SYCP2L: variants seen among roughly 807,000 people sequenced by gnomAD.
The protein encoded by SYCP2L is synaptonemal complex protein 2-like.
A neutral mutation model predicts 125.8 loss-of-function variants in SYCP2L; 98 were observed. The ratio of observed to expected loss-of-function variants is 0.78; its 90% CI spans 0.66 to 0.92. The LOEUF (loss-of-function observed/expected upper bound fraction) is 0.92. Ranked by LOEUF, SYCP2L falls within the 40% of genes least tolerant of loss-of-function variation. The pLI, the probability that SYCP2L is intolerant of heterozygous loss-of-function variation, is 0.00. For synonymous variants in SYCP2L, 317 were observed against 325.4 expected, an observed-to-expected ratio of 0.97 and a Z score of 0.28; for missense variants, 842 against 936.4, an observed-to-expected ratio of 0.90 and a Z score of 1.32.
At position 10,942,696 on chromosome 6, in the gene SYCP2L, T is replaced by C; in HGVS notation, c.1904T>C (p.Leu635Pro). 6.2e-7 allele frequency: 1 copy of C among 1,613,550 alleles called. No individual in the cohort carries two copies. The change falls in exon 23 of 30, where the codon CTA (leucine) becomes CCA (proline). Residue 635 changes from leucine to proline, a missense_variant. By Grantham distance (98) the Leu-to-Pro change is moderately conservative (BLOSUM62 -3). Coordinates refer to ENST00000283141, the MANE Select transcript of SYCP2L (RefSeq NM_001040274.3). ...TTTAAGATTGTGAACCAAGAATCAC[T>C]AACAGAAAGTACTAGCTTGAAACAT... is the stretch of plus-strand genomic sequence containing the variant. ...EKPKIVNQES[L>P]TESTSLKHKL...
At position 10,903,323 on chromosome 6, in the gene SYCP2L, T is replaced by C. The variant is rs532434902; in HGVS notation, c.641+360T>C. On this transcript the variant is annotated intron_variant, in intron 8 of 29. Coordinates refer to ENST00000283141, the MANE Select transcript of SYCP2L (RefSeq NM_001040274.3). ...CAGCGCTTTGGGAGGCCAAGGCGGGTGGATCACGAGGTCAGGAGATCGAGA... is the reference window on the plus strand; with the variant it reads ...CAGCGCTTTGGGAGGCCAAGGCGGGCGGATCACGAGGTCAGGAGATCGAGA... 4.5e-3 allele frequency among the ~76,000 whole-genome samples: 682 copies of C among 151,438 alleles called. 7 individuals are homozygous for C. Among genetic ancestry groups the C allele is most frequent in the African/African-American group, 0.016 (654 of 41,214 alleles).
rs551103839 is a variant in SYCP2L at position 10,907,892 on chromosome 6, G to GTTTTTTTTTTTTTTTTTTTTTTTTTTT, written c.819+226_819+227insTTTTTTTTTTTTTTTTTTTTTTTTTTT. The stretch of plus-strand genomic sequence containing the variant: ...GAGCTAGATATAGGGATACAGATAG[G>GTTTTTTTTTTTTTTTTTTTTTTTTTTT]TTTTTTTTTTTTTTTTTTGACAGAG... On this transcript the variant is annotated intron_variant, in intron 10 of 29. Transcript: ENST00000283141. 4.5e-4 allele frequency among the ~76,000 whole-genome samples: 41 copies of GTTTTTTTTTTTTTTTTTTTTTTTTTTT among 91,938 alleles called. 7 individuals are homozygous for GTTTTTTTTTTTTTTTTTTTTTTTTTTT. Among genetic ancestry groups the GTTTTTTTTTTTTTTTTTTTTTTTTTTT allele is most frequent in the African/African-American group, 1.2e-3 (30 of 24,156 alleles). 60.3% of individuals were successfully genotyped at this position (91,938 alleles called of 152,430 possible). A position where few individuals can be genotyped will look rare whatever the true frequency, so the allele number is the denominator to read the frequency against.
rs1250570300 is a variant in SYCP2L, at chr6:10,891,611, CTCTG to C, written c.78+32_78+35del. 498 of 130,226 alleles carry C rather than the reference CTCTG, an allele frequency of 3.8e-3. 16 individuals carry two copies. The highest frequency in any genetic ancestry group is 7.9e-3 in the African/African-American group (178 of 22,490). 8.1% of individuals were successfully genotyped at this position (130,226 alleles called of 1,614,324 possible). On this transcript the variant is annotated intron_variant, in intron 2 of 29. Transcript: ENST00000283141. ...AGATCAAGTTTCTTTTATAATCTCT[CTCTG>C]TGTGTGTGTGTGTGTGTGTGTGTGT... is the stretch of plus-strand genomic sequence containing the variant.
chr6:10,913,026 A>T, intron 14 of SYCP2L, 99 bp downstream of exon 14: 1 of 1,192,022 alleles, frequency 8.4e-7, no homozygotes, highest in Non-Finnish European at 1.2e-6. Context: ...TATTTTGACC[A>T]TGCCTTGAGG....
At chr6:10,964,358 C>T (rs1781644195) in intron 29 of SYCP2L, among the ~76,000 whole-genome samples, 1 of 152,140 alleles carries the variant, frequency 6.6e-6, no homozygotes, top group African/African-American at 2.4e-5. Flanking sequence ...TACCCTGCAT[C>T]AATCACTATG....
chr6:10,894,673 A>C (rs1157128029), intron 4 of SYCP2L, among the ~76,000 whole-genome samples: 1 of 151,960 alleles, frequency 6.6e-6, no homozygotes, highest in African/African-American at 2.4e-5. Flanking sequence ...TTGCTTATTC[A>C]AAGTTACCCA....
intron 15 of SYCP2L, among the ~76,000 whole-genome samples, chr6:10,925,409 A>G (rs1263605211): frequency 6.6e-6 from 1 of 152,144 alleles, no homozygotes; most frequent in Non-Finnish European, 1.5e-5. Flanking sequence ...TGTTGGTCTT[A>G]TCTTGTGGAA....
At chr6:10,958,168 T>C (rs1305033394) in intron 25 of SYCP2L, among the ~76,000 whole-genome samples, 1 of 152,150 alleles carries the variant, frequency 6.6e-6, no homozygotes, top group African/African-American at 2.4e-5. Context: ...TATTAGGCCA[T>C]TCTTGAATTG....
At chr6:10,908,346 G>A (rs757769751) in intron 10 of SYCP2L, among the ~76,000 whole-genome samples, 8 of 152,146 alleles carry the variant, frequency 5.3e-5, no homozygotes, top group Non-Finnish European at 1.0e-4. Context: ...CTGCTGTGAT[G>A]GCAGGAGGCT....
At position 10,912,291 on chromosome 6, in the gene SYCP2L, A is replaced by G. The variant is rs929001160; in HGVS notation, c.919-382A>G. Among the ~76,000 whole-genome samples the G allele has an allele frequency of 1.3e-4, 20 of 152,246 alleles. No individual in the cohort carries two copies. Among genetic ancestry groups the G allele is most frequent in the African/African-American group, 4.8e-4 (20 of 41,558 alleles). On this transcript the variant is annotated intron_variant, in intron 12 of 29. Transcript: ENST00000283141. The surrounding 1 kb of genome is among the most constrained non-coding windows in gnomAD (Gnocchi z 4.1). ...TTGGAAGATAGATGGCAAATCACTC[A>G]TGTTTGGTTACAGTATCTCCTTCTC... is the stretch of plus-strand genomic sequence containing the variant.
intron 1 of SYCP2L, among the ~76,000 whole-genome samples, chr6:10,887,913 C>T (rs770434104): frequency 6.6e-6 from 1 of 152,206 alleles, no homozygotes; most frequent in African/African-American, 2.4e-5. Flanking sequence ...ATTCAGAGCA[C>T]TTAAGCATAA....
At chr6:10,918,693 T>C (rs1235293503) in intron 14 of SYCP2L, among the ~76,000 whole-genome samples, 8 of 151,992 alleles carry the variant, frequency 5.3e-5, no homozygotes, top group African/African-American at 1.7e-4. Flanking sequence ...CGTGCCACCA[T>C]ACCCAGCTAA....
chr6:10,913,596 T>C (rs759960077), intron 14 of SYCP2L, among the ~76,000 whole-genome samples: 1 of 152,160 alleles, frequency 6.6e-6, no homozygotes, highest in African/African-American at 2.4e-5. Flanking sequence ...TTGTTTGAGT[T>C]CGTTGTAAAT....
At position 10,935,271 on chromosome 6, in the gene SYCP2L, A is replaced by G. The variant is rs878868214; in HGVS notation, c.1813+84A>G. Reference sequence around the variant, plus strand: ...GAAGTAAACAAAACATTTTTATTTTAATATCTATTAAAGAAAATATGAAGA... The same window carrying G: ...GAAGTAAACAAAACATTTTTATTTTGATATCTATTAAAGAAAATATGAAGA... On this transcript the variant is annotated intron_variant, in intron 21 of 29. Transcript: ENST00000283141. 1.1e-4 allele frequency: 149 copies of G among 1,339,990 alleles called. 1 individual carries two copies. In the South Asian group the frequency reaches 1.9e-3, roughly 17 times the overall value. The allele number at this position is 1,339,990 out of a possible 1,614,324, so 83.0% of individuals were successfully genotyped here. A position where few individuals can be genotyped will look rare whatever the true frequency, so the allele number is the denominator to read the frequency against.
chr6:10,924,767 T>C (rs1031611053), intron 15 of SYCP2L, 126 bp downstream of exon 15: 21 of 855,016 alleles, frequency 2.5e-5, no homozygotes, highest in Non-Finnish European at 3.4e-5. Flanking sequence ...TCAAATGCCA[T>C]GTAAAAAAGA....
intron 19 of SYCP2L, among the ~76,000 whole-genome samples, 200 bp from the exon 20 acceptor site, chr6:10,931,240 G>T (rs1232418502): frequency 1.3e-5 from 2 of 152,212 alleles, no homozygotes; most frequent in African/African-American, 4.8e-5. Flanking sequence ...CTAGAGCAGA[G>T]AATTCATGCT....
rs537482644 is a variant in SYCP2L, at chr6:10,887,075, G to A, written c.-52G>A. 1.2e-6 allele frequency: 2 copies of A among 1,613,210 alleles called. No individual in the cohort carries two copies. The highest frequency in any genetic ancestry group is 3.3e-5 in the Admixed American group (2 of 59,976). Reference sequence around the variant, plus strand: ...GCGGGGAAGCAGGAGAGGGCCGACCGAGCGCAACAAAGCTGAGCGGCGCGT... The same window carrying A: ...GCGGGGAAGCAGGAGAGGGCCGACCAAGCGCAACAAAGCTGAGCGGCGCGT... On this transcript the variant is annotated 5_prime_UTR_variant, in exon 1 of 30. Coordinates refer to ENST00000283141, the MANE Select transcript of SYCP2L (RefSeq NM_001040274.3).
Position 10,889,725 on chromosome 6 carries a change from A to G in SYCP2L, c.10-1788A>G, listed in dbSNP as rs527991002. On this transcript the variant is annotated intron_variant, in intron 1 of 29. Transcript: ENST00000283141. The stretch of plus-strand genomic sequence containing the variant: ...AACCTCCGCGTCCCGGGTTCAAGCG[A>G]TTCTCTTGCTTCAGCCTCCCCCGTA... Among the ~76,000 whole-genome samples the G allele has an allele frequency of 5.4e-5, 8 of 148,212 alleles. No individual in the cohort carries two copies. In the South Asian group the frequency reaches 1.7e-3, roughly 31 times the overall value.
At chr6:10,937,798 C>T (rs1368697082) in intron 21 of SYCP2L, among the ~76,000 whole-genome samples, 2 of 152,086 alleles carry the variant, frequency 1.3e-5, no homozygotes, top group Admixed American at 6.5e-5. Flanking sequence ...TATACACCAA[C>T]AAATTGGATA....
Sources: allele counts gnomAD v4.1 joint callset (sites outside exome capture counted in the v4.1 genomes callset), GRCh38; gene constraint gnomAD v4.1.1; non-coding constraint Gnocchi (gnomAD v3.1); transcripts MANE v1.5; gene names NCBI Gene and HGNC (gene_info 2026-07-23, HGNC 2026-07-21).